Variants in CPT1A observed in about 807,000 individuals in gnomAD.
CPT1A encodes carnitine O-palmitoyltransferase 1, liver isoform.
Under a neutral mutation model 100.8 loss-of-function variants are expected in CPT1A, and 64 were observed. The ratio of observed to expected loss-of-function variants is 0.63; its 90% CI spans 0.52 to 0.78. CPT1A has a LOEUF of 0.78. Ranked by LOEUF, CPT1A falls within the 30% of genes least tolerant of loss-of-function variation. The pLI, the probability that CPT1A is intolerant of heterozygous loss-of-function variation, is 0.00. For missense variants in CPT1A, 802 were observed against 1,034.1 expected, an observed-to-expected ratio of 0.78 and a Z score of 3.08; for synonymous variants, 363 against 396.0, an observed-to-expected ratio of 0.92 and a Z score of 0.99.
upstream of CPT1A, among the ~76,000 whole-genome samples, chr11:68,843,700 T>C (rs1857200855): frequency 6.6e-6 from 1 of 152,250 alleles, no homozygotes; most frequent in African/African-American, 2.4e-5. This position sits in a 1 kb window ranked among gnomAD's most constrained non-coding sequence, Gnocchi z 4.0. Flanking sequence ...TGCTTGCGCT[T>C]GTCTGGACCA....
chr11:68,817,238 C>A (rs1856453032), intron 1 of CPT1A, among the ~76,000 whole-genome samples: 1 of 151,732 alleles, frequency 6.6e-6, no homozygotes, highest in African/African-American at 2.4e-5. Context: ...CCCACTGATG[C>A]CCTCTGAAGG....
At chr11:68,842,829 G>A (rs1214860256), upstream of CPT1A, among the ~76,000 whole-genome samples, 1 of 152,042 alleles carries the variant, frequency 6.6e-6, no homozygotes, top group African/African-American at 2.4e-5. Context: ...GGCCCCAAGC[G>A]TAACAGGAGG....
chr11:68,804,228 C>A, intron 4 of CPT1A, 127 bp from the exon 5 acceptor site: 1 of 731,890 alleles, frequency 1.4e-6, no homozygotes, highest in South Asian at 1.5e-5. Context: ...ATGACCATTT[C>A]AAAGACAAGG....
intron 18 of CPT1A, among the ~76,000 whole-genome samples, chr11:68,758,245 G>C (rs1016621198): frequency 5.4e-5 from 8 of 147,134 alleles, no homozygotes; most frequent in African/African-American, 2.0e-4. Context: ...TCTAGCCTGG[G>C]TGGCAGAGTG....
chr11:68,786,882 T>A (rs1192922927), intron 9 of CPT1A, among the ~76,000 whole-genome samples: 1 of 152,206 alleles, frequency 6.6e-6, no homozygotes, highest in Non-Finnish European at 1.5e-5. Flanking sequence ...GAGACCTGCT[T>A]TGGTTTGCTG....
chr11:68,759,581 A>G lies in CPT1A; in HGVS notation c.2223T>C (p.Ser741=), dbSNP rs947049863. 7 of 1,611,118 alleles carry G rather than the reference A, an allele frequency of 4.3e-6. No individual in the cohort carries two copies. Among genetic ancestry groups the G allele is most frequent in the Non-Finnish European group, 5.9e-6 (7 of 1,177,250 alleles). ...LINFHISSKF[S]CPETDSHRFG... is the part of the protein sequence containing the mutation. ...TTTTCATACATACCGTCTCAGGGCAAGAGAACTTGGAAGAAATGTGGAAAT... is the reference window on the plus strand; with the variant it reads ...TTTTCATACATACCGTCTCAGGGCAGGAGAACTTGGAAGAAATGTGGAAAT... Residue 741 remains serine (S), a synonymous_variant, in exon 18 of 19, where the codon TCT becomes TCC. Coordinates refer to ENST00000265641, the MANE Select transcript of CPT1A (RefSeq NM_001876.4).
chr11:68,828,660 G>C (rs1856803377), intron 1 of CPT1A, among the ~76,000 whole-genome samples: 2 of 152,246 alleles, frequency 1.3e-5, no homozygotes, highest in Non-Finnish European at 2.9e-5. Flanking sequence ...ACACTGGGCA[G>C]CCTCTTTGCT....
chr11:68,841,580 G>T lies in CPT1A; in HGVS notation c.-14+195C>A, dbSNP rs1418940580. On this transcript the variant is annotated intron_variant, in intron 1 of 18. Coordinates refer to ENST00000265641, the MANE Select transcript of CPT1A (RefSeq NM_001876.4). This position sits in a 1 kb window ranked among gnomAD's most constrained non-coding sequence, Gnocchi z 6.3. ...TCCCCTGGGGAACATGGGGAGCCCC[G>T]GCCTCTTTCTGGGTTCAGGATCTCC... is the stretch of plus-strand genomic sequence containing the variant. Among the ~76,000 whole-genome samples, 4 of 152,272 alleles carry T rather than the reference G, an allele frequency of 2.6e-5. No individual in the cohort carries two copies. Among genetic ancestry groups the T allele is most frequent in the African/African-American group, 9.6e-5 (4 of 41,562 alleles).
chr11:68,775,992 A>G (rs775959678), intron 12 of CPT1A, among the ~76,000 whole-genome samples: 8 of 152,244 alleles, frequency 5.3e-5, no homozygotes, highest in Non-Finnish European at 7.3e-5. Flanking sequence ...TCAACTGATG[A>G]AGAGATAAAC....
chr11:68,826,083 G>A (rs1470929681), intron 1 of CPT1A, among the ~76,000 whole-genome samples: 1 of 152,206 alleles, frequency 6.6e-6, no homozygotes, highest in Non-Finnish European at 1.5e-5. Context: ...GCCCTGGAGA[G>A]TAGAGGGCCC....
intron 5 of CPT1A, 152 bp from the exon 6 acceptor site, chr11:68,799,507 G>T: frequency 1.2e-6 from 1 of 818,314 alleles, no homozygotes; most frequent in Non-Finnish European, 2.0e-6. Flanking sequence ...CCAGCACTTT[G>T]GGAGGTCAAG....
At chr11:68,824,528 G>A (rs1856671721) in intron 1 of CPT1A, among the ~76,000 whole-genome samples, 2 of 152,082 alleles carry the variant, frequency 1.3e-5, no homozygotes, top group South Asian at 4.1e-4. Flanking sequence ...TGGCATTAAG[G>A]AATTTCTGTG....
At chr11:68,828,948 C>T (rs1359748454) in intron 1 of CPT1A, among the ~76,000 whole-genome samples, 1 of 152,170 alleles carries the variant, frequency 6.6e-6, no homozygotes, top group African/African-American at 2.4e-5. Context: ...CCCCTGCACC[C>T]TGGGAGTCAG....
chr11:68,797,737 G>A (rs1460010789), intron 6 of CPT1A, among the ~76,000 whole-genome samples: 1 of 152,180 alleles, frequency 6.6e-6, no homozygotes, highest in Non-Finnish European at 1.5e-5. Flanking sequence ...CAGCACTTTG[G>A]GAGACTGAGG....
At chr11:68,822,470 C>G (rs1856610015) in intron 1 of CPT1A, among the ~76,000 whole-genome samples, 1 of 151,924 alleles carries the variant, frequency 6.6e-6, no homozygotes, top group East Asian at 1.9e-4. Flanking sequence ...GAAGTGGAGG[C>G]TGCAATGAGC....
intron 3 of CPT1A, among the ~76,000 whole-genome samples, chr11:68,810,593 C>T (rs1045766368): frequency 6.6e-6 from 1 of 152,196 alleles, no homozygotes; most frequent in African/African-American, 2.4e-5. Context: ...GGGTCCTCTG[C>T]AGACCCTTCG....
chr11:68,843,756 G>A (rs1308374963), upstream of CPT1A, among the ~76,000 whole-genome samples: 2 of 152,230 alleles, frequency 1.3e-5, no homozygotes, highest in African/African-American at 4.8e-5. The surrounding 1 kb of genome is among the most constrained non-coding windows in gnomAD (Gnocchi z 4.0). Context: ...ACCGCCCCAA[G>A]AGGCCAGTGG....
At chr11:68,826,539 C>T (rs565207898) in intron 1 of CPT1A, among the ~76,000 whole-genome samples, 45 of 151,338 alleles carry the variant, frequency 3.0e-4, no homozygotes, top group Admixed American at 1.3e-3. Context: ...TAGAGACCAT[C>T]GTCGCTAACA....
At position 68,833,544 on chromosome 11, in the gene CPT1A, G is replaced by A. The variant is rs535058150; in HGVS notation, c.-14+8231C>T. On this transcript the variant is annotated intron_variant, in intron 1 of 18. Transcript: ENST00000265641. ...GGCCAAGGTGGGCGGATCACCTGAG[G>A]CCAGGAGTTCAAAACCAGCCTGGCC... is the stretch of plus-strand genomic sequence containing the variant. Among the ~76,000 whole-genome samples the A allele has an allele frequency of 2.8e-3, 420 of 152,276 alleles. 1 individual carries two copies. The highest frequency in any genetic ancestry group is 9.6e-3 in the African/African-American group (400 of 41,552).
Sources: gnomAD v4.1 joint callset for allele counts (sites outside exome capture counted in the v4.1 genomes callset) on GRCh38, gnomAD v4.1.1 for gene constraint, Gnocchi (gnomAD v3.1) non-coding constraint, MANE v1.5 for transcripts, NCBI Gene and HGNC (gene_info 2026-07-23, HGNC 2026-07-21) for gene names.